TMEFF1: variants seen among roughly 807,000 people sequenced by gnomAD.
TMEFF1 encodes the protein transmembrane protein with EGF like and two follistatin like domains 1.
A neutral mutation model predicts 47.5 loss-of-function variants in TMEFF1; 20 were observed. That is an observed-to-expected ratio of 0.42 (90% CI 0.30 to 0.61). TMEFF1 has a LOEUF of 0.61. Ranked by LOEUF, TMEFF1 falls within the 20% of genes least tolerant of loss-of-function variation. The pLI is 0.19. For synonymous variants in TMEFF1, 162 were observed against 166.3 expected, an observed-to-expected ratio of 0.97 and a Z score of 0.20; for missense variants, 411 against 471.1, an observed-to-expected ratio of 0.87 and a Z score of 1.18.
chr9:100,565,720 A>G (rs575280798), intron 8 of TMEFF1, among the ~76,000 whole-genome samples: 1 of 152,316 alleles, frequency 6.6e-6, no homozygotes, highest in African/African-American at 2.4e-5. Flanking sequence ...CACTTTCACT[A>G]TCACCTACCA....
At chr9:100,481,692 G>A (rs905850675) in intron 1 of TMEFF1, among the ~76,000 whole-genome samples, 7 of 152,194 alleles carry the variant, frequency 4.6e-5, no homozygotes, top group Admixed American at 2.0e-4. Context: ...CTGGCGGTAC[G>A]ATGAAAGATA....
chr9:100,506,486 C>G (rs1837863389), intron 2 of TMEFF1, among the ~76,000 whole-genome samples: 1 of 151,934 alleles, frequency 6.6e-6, no homozygotes, highest in Non-Finnish European at 1.5e-5. Context: ...AGAATTCAGG[C>G]CAGGCGCAGT....
chr9:100,495,140 T>C (rs1268505150), intron 1 of TMEFF1, among the ~76,000 whole-genome samples: 1 of 152,172 alleles, frequency 6.6e-6, no homozygotes, highest in East Asian at 1.9e-4. Flanking sequence ...CTGAGGAACA[T>C]GGTTTTGGAA....
chr9:100,522,344 A>G (rs537416401), intron 5 of TMEFF1, among the ~76,000 whole-genome samples: 7 of 152,238 alleles, frequency 4.6e-5, no homozygotes, highest in African/African-American at 1.7e-4. Flanking sequence ...GTTGTTTTTT[A>G]AAACACAAAC....
At chr9:100,536,344 A>C (rs944003259) in intron 5 of TMEFF1, among the ~76,000 whole-genome samples, 2 of 152,186 alleles carry the variant, frequency 1.3e-5, no homozygotes, top group African/African-American at 4.8e-5. Flanking sequence ...TTTTTAAATG[A>C]AAGTGGTTAT....
chr9:100,513,390 T>G, intron 4 of TMEFF1, 57 bp downstream of exon 4: 4 of 1,530,888 alleles, frequency 2.6e-6, no homozygotes, highest in Non-Finnish European at 3.5e-6. Context: ...TTTCTTTCTT[T>G]TTCTTTTTTT....
intron 7 of TMEFF1, among the ~76,000 whole-genome samples, chr9:100,554,704 G>A (rs1407011919): frequency 6.6e-6 from 1 of 151,748 alleles, no homozygotes; most frequent in Non-Finnish European, 1.5e-5. Flanking sequence ...CCTTAATGGA[G>A]TCCAAGCAGA....
At chr9:100,574,214 A>G (rs1220812797) in intron 9 of TMEFF1, among the ~76,000 whole-genome samples, 8 of 152,198 alleles carry the variant, frequency 5.3e-5, no homozygotes, top group Non-Finnish European at 1.2e-4. Context: ...TATAAACCAT[A>G]TTTTTCAGAG....
At chr9:100,520,119 C>T (rs1425538294) in intron 5 of TMEFF1, among the ~76,000 whole-genome samples, 1 of 152,112 alleles carries the variant, frequency 6.6e-6, no homozygotes, top group Non-Finnish European at 1.5e-5. Context: ...ATGTGTACTG[C>T]ATGTATTTTT....
At chr9:100,494,106 C>T (rs1171687280) in intron 1 of TMEFF1, among the ~76,000 whole-genome samples, 1 of 150,718 alleles carries the variant, frequency 6.6e-6, no homozygotes, top group Non-Finnish European at 1.5e-5. Context: ...ATTTGGGAAG[C>T]TAAGGTGGGA....
chr9:100,570,955 G>A (rs1839227949), intron 8 of TMEFF1, among the ~76,000 whole-genome samples: 2 of 152,094 alleles, frequency 1.3e-5, no homozygotes, highest in Non-Finnish European at 2.9e-5. Context: ...AATGTAAATT[G>A]TCTGTTAAGT....
At chr9:100,528,371 A>G (rs943522233) in intron 5 of TMEFF1, among the ~76,000 whole-genome samples, 2 of 147,552 alleles carry the variant, frequency 1.4e-5, no homozygotes, top group Non-Finnish European at 3.0e-5. Flanking sequence ...TATAACTAGA[A>G]TAACCAATAC....
rs117069608 is a variant in TMEFF1, at chr9:100,485,208, A to G, written c.196+11468A>G. 1.4e-3 allele frequency among the ~76,000 whole-genome samples: 210 copies of G among 152,176 alleles called. 2 individuals carry two copies. In the East Asian group the frequency reaches 0.022, roughly 16 times the overall value. On this transcript the variant is annotated intron_variant, in intron 1 of 9. Transcript: ENST00000374879. ...CCATTCAGTATCCATTCATCTGTTG[A>G]TAGACATTTTTTTGTTTTTACTTTT...
chr9:100,550,044 A>G (rs141800033), intron 6 of TMEFF1, 51 bp from the exon 7 acceptor site: 13 of 1,577,030 alleles, frequency 8.2e-6, no homozygotes, highest in African/African-American at 6.8e-5. Context: ...GTATCATGAT[A>G]TGACTTAACC....
intron 5 of TMEFF1, among the ~76,000 whole-genome samples, chr9:100,531,898 G>A (rs1367550619): frequency 6.6e-6 from 1 of 150,602 alleles, no homozygotes. Context: ...CAGAGATATA[G>A]ATCAATGGAA....
chr9:100,526,144 A>G (rs1838249516), intron 5 of TMEFF1, among the ~76,000 whole-genome samples: 1 of 152,200 alleles, frequency 6.6e-6, no homozygotes, highest in Non-Finnish European at 1.5e-5. Flanking sequence ...GAGAATTAAG[A>G]AAGTGTTGCT....
intron 7 of TMEFF1, among the ~76,000 whole-genome samples, chr9:100,557,914 A>T (rs1838945516): frequency 6.6e-6 from 1 of 151,986 alleles, no homozygotes; most frequent in Admixed American, 6.6e-5. Flanking sequence ...AATGGGATGA[A>T]TAAAGTTGGC....
chr9:100,513,976 T>G (rs1292328053), intron 4 of TMEFF1, among the ~76,000 whole-genome samples: 1 of 152,214 alleles, frequency 6.6e-6, no homozygotes, highest in African/African-American at 2.4e-5. Context: ...AAGATTAATA[T>G]TTGGTAATAG....
At chr9:100,565,166 A>G (rs1839099302) in intron 8 of TMEFF1, among the ~76,000 whole-genome samples, 1 of 152,138 alleles carries the variant, frequency 6.6e-6, no homozygotes. Context: ...GTGATTGAAG[A>G]CATACATTTG....
Sources: allele counts gnomAD v4.1 joint callset (sites outside exome capture counted in the v4.1 genomes callset), GRCh38; gene constraint gnomAD v4.1.1; transcripts MANE v1.5; gene names NCBI Gene and HGNC (gene_info 2026-07-23, HGNC 2026-07-21).